ENOX2: variants seen among roughly 807,000 people sequenced by gnomAD.
ENOX2 encodes the protein ecto-NOX disulfide-thiol exchanger 2, also known as APK1 antigen.
ENOX2 carries 36 observed loss-of-function variants against 45.0 expected under a neutral mutation model. The ratio of observed to expected loss-of-function variants is 0.80; its 90% CI spans 0.61 to 1.06. The LOEUF (loss-of-function observed/expected upper bound fraction) is 1.06, where lower values mean the gene tolerates loss of function less well. Ranked by LOEUF, ENOX2 falls within the 50% of genes least tolerant of loss-of-function variation. ENOX2 has a pLI of 0.00. For synonymous variants in ENOX2, 174 were observed against 152.3 expected, an observed-to-expected ratio of 1.14 and a Z score of -1.05; for missense variants, 423 against 462.5, an observed-to-expected ratio of 0.91 and a Z score of 0.78.
chrX:130,841,599 G>C (rs1344972402), intron 2 of ENOX2, among the ~76,000 whole-genome samples: 1 of 111,839 alleles, frequency 8.9e-6, no homozygotes. Flanking sequence ...AACTGTGACT[G>C]AGAGCCACTA....
intron 2 of ENOX2, among the ~76,000 whole-genome samples, chrX:130,887,717 G>A (rs1218004811): frequency 9.0e-6 from 1 of 111,689 alleles, no homozygotes; most frequent in East Asian, 2.8e-4. Flanking sequence ...TGGAGAATTC[G>A]TTCGGGATTT....
At chrX:130,643,135 T>A (rs1184409084) in intron 10 of ENOX2, among the ~76,000 whole-genome samples, 1 of 111,363 alleles carries the variant, frequency 9.0e-6, no homozygotes, top group African/African-American at 3.3e-5. Flanking sequence ...TGGGGTTGAA[T>A]TAATTGTAAA....
At chrX:130,711,905 G>A (rs1384871152) in intron 3 of ENOX2, among the ~76,000 whole-genome samples, 3 of 111,484 alleles carry the variant, frequency 2.7e-5, no homozygotes, top group African/African-American at 6.5e-5. Flanking sequence ...GGGTGAGGGC[G>A]TGGTATAGTG....
intron 3 of ENOX2, among the ~76,000 whole-genome samples, chrX:130,728,805 A>T (rs1336173248): frequency 1.8e-5 from 2 of 111,501 alleles, no homozygotes; most frequent in Non-Finnish European, 3.8e-5. Flanking sequence ...CCTAGAGACA[A>T]GGTCCAAAGA....
chrX:130,748,455 C>T (rs1391041957), intron 3 of ENOX2, among the ~76,000 whole-genome samples: 1 of 112,022 alleles, frequency 8.9e-6, no homozygotes, highest in Admixed American at 9.4e-5. Context: ...AAGCTCCCTA[C>T]TTAGTAGTCT....
At chrX:130,790,559 C>T (rs898058115) in intron 2 of ENOX2, among the ~76,000 whole-genome samples, 6 of 112,314 alleles carry the variant, frequency 5.3e-5, no homozygotes, top group Non-Finnish European at 1.1e-4. Context: ...CCAGATGATG[C>T]TAATCCTGCT....
At chrX:130,720,829 C>T (rs1009422689) in intron 3 of ENOX2, among the ~76,000 whole-genome samples, 35 of 111,430 alleles carry the variant, frequency 3.1e-4, no homozygotes, top group Non-Finnish European at 6.2e-4. Flanking sequence ...GACAAATTCA[C>T]ACACAAAATA....
chrX:130,730,844 A>T (rs1338617055), intron 3 of ENOX2, among the ~76,000 whole-genome samples: 1 of 111,251 alleles, frequency 9.0e-6, no homozygotes, highest in Admixed American at 9.5e-5. Context: ...AGTTATCAAT[A>T]GAAAGGAATG....
At chrX:130,745,987 T>G (rs905201514) in intron 3 of ENOX2, among the ~76,000 whole-genome samples, 1 of 112,205 alleles carries the variant, frequency 8.9e-6, no homozygotes, top group African/African-American at 3.2e-5. Flanking sequence ...AATATTTGGT[T>G]GGCTAGCTCC....
intron 3 of ENOX2, among the ~76,000 whole-genome samples, chrX:130,762,812 G>C (rs1359923742): frequency 9.0e-6 from 1 of 111,701 alleles, no homozygotes; most frequent in Non-Finnish European, 1.9e-5. Context: ...TGTTTAAAAA[G>C]AATGTGTATT....
At chrX:130,762,091 T>C (rs143332291) in intron 3 of ENOX2, among the ~76,000 whole-genome samples, 1,694 of 111,940 alleles carry the variant, frequency 0.015, 15 homozygotes, top group Non-Finnish European at 0.021. Flanking sequence ...TCTTCCTCCG[T>C]CTTGATTTTA....
At chrX:130,671,732 T>C (rs2036996599) in intron 6 of ENOX2, among the ~76,000 whole-genome samples, 1 of 111,666 alleles carries the variant, frequency 9.0e-6, no homozygotes, top group Non-Finnish European at 1.9e-5. Context: ...TACTGGGTGA[T>C]CAGAAGGGTT....
At chrX:130,833,011 TCACACACACA>T (rs10568834) in intron 2 of ENOX2, among the ~76,000 whole-genome samples, 76 of 82,978 alleles carry the variant, frequency 9.2e-4, no homozygotes, top group African/African-American at 2.9e-3. Context: ...TCATGTATAA[TCACACACACA>T]CACACACACA....
Position 130,679,575 on chromosome X carries a change from C to T in ENOX2, c.427G>A (p.Glu143Lys). 8.3e-7 allele frequency: 1 copy of T among 1,210,986 alleles called. No individual in the cohort carries two copies. The highest frequency in any genetic ancestry group is 1.8e-5 in the South Asian group (1 of 56,935). The change falls in exon 6 of 15, where the codon GAG becomes AAG. Residue 143 changes from glutamate (E) to lysine (K), a missense_variant. Transcript: ENST00000394363. ...TACAGGGCTTTGTCCACCATGTACT[C>T]CTCAGCAAAGCGAATGTGGCAGAAG... is the stretch of plus-strand genomic sequence containing the variant. ...KNFCHIRFAE[E>K]YMVDKALYLS...
At chrX:130,803,720 AAAAG>A (rs1357230985) in intron 2 of ENOX2, among the ~76,000 whole-genome samples, 1 of 111,924 alleles carries the variant, frequency 8.9e-6, no homozygotes, top group Non-Finnish European at 1.9e-5. Flanking sequence ...ATTCAAAAGA[AAAAG>A]AAAAATGCTG....
At chrX:130,653,764 C>T (rs16999733) in intron 10 of ENOX2, among the ~76,000 whole-genome samples, 1,901 of 111,696 alleles carry the variant, frequency 0.017, 30 homozygotes, top group African/African-American at 0.058. Context: ...AATTAATTGG[C>T]CAAACTCTTG....
At chrX:130,662,213 C>T (rs897300748) in intron 9 of ENOX2, among the ~76,000 whole-genome samples, 2 of 112,041 alleles carry the variant, frequency 1.8e-5, no homozygotes, top group South Asian at 7.5e-4. Flanking sequence ...AAATCAGGAA[C>T]GTAAAGCAAT....
At chrX:130,679,027 T>A (rs1263677824) in intron 6 of ENOX2, among the ~76,000 whole-genome samples, 1 of 110,815 alleles carries the variant, frequency 9.0e-6, no homozygotes, top group African/African-American at 3.3e-5. Flanking sequence ...ACAGTAGGTG[T>A]CATGTTGGGA....
chrX:130,630,255 T>G (rs4615761), intron 13 of ENOX2, among the ~76,000 whole-genome samples: 1 of 110,684 alleles, frequency 9.0e-6, no homozygotes, highest in Admixed American at 9.7e-5. Flanking sequence ...ATAAAAAAAT[T>G]AACATGTGGT....
Sources: gnomAD v4.1 joint callset for allele counts (sites outside exome capture counted in the v4.1 genomes callset) on GRCh38, gnomAD v4.1.1 for gene constraint, MANE v1.5 for transcripts, NCBI Gene and HGNC (gene_info 2026-07-23, HGNC 2026-07-21) for gene names.